Variants in HIVEP3 observed in about 807,000 individuals in gnomAD.
HIVEP3 encodes the protein HIVEP zinc finger 3.
In HIVEP3, 49 loss-of-function variants were observed where a neutral mutation model predicts 152.8. The ratio of observed to expected loss-of-function variants is 0.32; its 90% CI spans 0.26 to 0.41. The LOEUF (loss-of-function observed/expected upper bound fraction) is 0.41. Ranked by LOEUF, HIVEP3 falls within the 10% of genes least tolerant of loss-of-function variation. HIVEP3 has a pLI of 1.00. For missense variants in HIVEP3, 2,790 were observed against 3,103.3 expected, an observed-to-expected ratio of 0.90 and a Z score of 2.40; for synonymous variants, 1,269 against 1,289.0, an observed-to-expected ratio of 0.98 and a Z score of 0.33.
At chr1:41,725,277 C>T (rs189613713) in intron 1 of HIVEP3, among the ~76,000 whole-genome samples, 2 of 152,322 alleles carry the variant, frequency 1.3e-5, no homozygotes, top group African/African-American at 4.8e-5. Context: ...CTGGTTGCCA[C>T]TTATCAGCCG....
At chr1:41,943,035 G>A (rs1645055702) in intron 1 of HIVEP3, among the ~76,000 whole-genome samples, 1 of 152,102 alleles carries the variant, frequency 6.6e-6, no homozygotes, top group Non-Finnish European at 1.5e-5. Flanking sequence ...AAGTAGCTGG[G>A]ACTACAGGCG....
At chr1:41,606,399 C>T (rs75560437) in intron 3 of HIVEP3, among the ~76,000 whole-genome samples, 6,977 of 152,010 alleles carry the variant, frequency 0.046, 212 homozygotes, top group Non-Finnish European at 0.066. Flanking sequence ...TTTTGCATAA[C>T]AATTACATTC....
chr1:41,856,289 GA>G (rs1337562018), intron 1 of HIVEP3, among the ~76,000 whole-genome samples: 2 of 152,174 alleles, frequency 1.3e-5, no homozygotes, highest in Non-Finnish European at 2.9e-5. Flanking sequence ...ATGAATGAAG[GA>G]ATAGAAAAGA....
chr1:41,671,712 A>G (rs1645879769), intron 2 of HIVEP3, among the ~76,000 whole-genome samples: 1 of 152,128 alleles, frequency 6.6e-6, no homozygotes, highest in African/African-American at 2.4e-5. Flanking sequence ...CCCAGCGCAG[A>G]CCCCGAAGAA....
intron 1 of HIVEP3, among the ~76,000 whole-genome samples, chr1:41,976,557 A>G (rs1645260411): frequency 6.6e-6 from 1 of 152,238 alleles, no homozygotes; most frequent in African/African-American, 2.4e-5. Context: ...CTATCTTAAA[A>G]GTAAGCATGT....
chr1:41,916,331 C>G (rs1398013134), intron 1 of HIVEP3, among the ~76,000 whole-genome samples: 1 of 152,174 alleles, frequency 6.6e-6, no homozygotes, highest in African/African-American at 2.4e-5. Context: ...TCAAAGCAAA[C>G]CCACTGGGGT....
At chr1:41,528,138 C>T (rs1643068280) in intron 5 of HIVEP3, among the ~76,000 whole-genome samples, 1 of 140,790 alleles carries the variant, frequency 7.1e-6, no homozygotes, top group Non-Finnish European at 1.5e-5. Context: ...CCTTCATACT[C>T]CACACCCCTA....
At chr1:41,786,744 A>G (rs1479549764) in intron 1 of HIVEP3, among the ~76,000 whole-genome samples, 1 of 148,910 alleles carries the variant, frequency 6.7e-6, no homozygotes, top group African/African-American at 2.6e-5. Context: ...CTACACATGT[A>G]ATTTTCTTTC....
At chr1:41,597,834 AC>A (rs1249716198) in intron 3 of HIVEP3, among the ~76,000 whole-genome samples, 1 of 152,146 alleles carries the variant, frequency 6.6e-6, no homozygotes, top group African/African-American at 2.4e-5. Flanking sequence ...TTCCATTGAG[AC>A]CAAAAATGAA....
intron 1 of HIVEP3, among the ~76,000 whole-genome samples, chr1:41,932,651 G>C (rs1033806636): frequency 6.6e-6 from 1 of 151,586 alleles, no homozygotes; most frequent in Non-Finnish European, 1.5e-5. Flanking sequence ...TATCCAAATT[G>C]CTTTTTTGTT....
chr1:41,688,821 GTT>G (rs749429537), intron 2 of HIVEP3, among the ~76,000 whole-genome samples: 4 of 144,450 alleles, frequency 2.8e-5, no homozygotes, highest in Non-Finnish European at 4.6e-5. Context: ...AAACGGATCT[GTT>G]TTTTTTTTTT....
At chr1:41,643,442 G>T (rs1336723468) in intron 2 of HIVEP3, among the ~76,000 whole-genome samples, 1 of 152,250 alleles carries the variant, frequency 6.6e-6, no homozygotes, top group East Asian at 1.9e-4. Context: ...TCAGCCTGCT[G>T]TGAAAGCATG....
rs536029748 is a variant in HIVEP3, at chr1:41,677,247, G to A, written c.-721+23669C>T. ...GAAAAGGCAGGAGGAATGAAAATGA[G>A]CATGCACTGAGAGCCATGCACTGCT... On this transcript the variant is annotated intron_variant, in intron 2 of 8. Coordinates refer to ENST00000372583, the MANE Select transcript of HIVEP3 (RefSeq NM_024503.5). Among the ~76,000 whole-genome samples the A allele has an allele frequency of 2.0e-5, 3 of 152,342 alleles. No individual in the cohort carries two copies. The South Asian group carries it at 6.2e-4, about 32-fold the overall frequency.
chr1:41,698,192 C>A (rs578104338), intron 2 of HIVEP3, among the ~76,000 whole-genome samples: 1 of 152,160 alleles, frequency 6.6e-6, no homozygotes, highest in Admixed American at 6.5e-5. Context: ...ATGATGCCCA[C>A]CCTACTTTTG....
rs200871350 is a variant in HIVEP3, at chr1:41,557,816, C to T, written c.5207+17728G>A. Among the ~76,000 whole-genome samples, 7 of 152,198 alleles carry T rather than the reference C, an allele frequency of 4.6e-5. No homozygotes were observed. The East Asian group carries it at 7.7e-4, about 17-fold the overall frequency. On this transcript the variant is annotated intron_variant, in intron 5 of 8. Coordinates refer to ENST00000372583, the MANE Select transcript of HIVEP3 (RefSeq NM_024503.5). ...GACAAAGAGTAAGATCTTGTTTCAA[C>T]GGTGACCCCAGGGTTTGGCTTTGCC... is the stretch of plus-strand genomic sequence containing the variant.
intron 3 of HIVEP3, among the ~76,000 whole-genome samples, chr1:41,604,213 A>T (rs1644785541): frequency 6.6e-6 from 1 of 152,240 alleles, no homozygotes; most frequent in Non-Finnish European, 1.5e-5. Flanking sequence ...CCTCCAAAAA[A>T]CACAAAGAAG....
At chr1:41,780,096 G>T (rs190091396) in intron 1 of HIVEP3, among the ~76,000 whole-genome samples, 1 of 152,218 alleles carries the variant, frequency 6.6e-6, no homozygotes, top group South Asian at 2.1e-4. Flanking sequence ...TAGGGACGAG[G>T]TTGCAGATCA....
intron 1 of HIVEP3, among the ~76,000 whole-genome samples, chr1:41,968,234 C>T (rs1349922580): frequency 6.7e-6 from 1 of 150,002 alleles, no homozygotes; most frequent in African/African-American, 2.5e-5. Context: ...TACAACCTGG[C>T]AGAGATACAA....
intron 1 of HIVEP3, among the ~76,000 whole-genome samples, chr1:42,016,735 T>G (rs1481796749): frequency 2.0e-5 from 3 of 152,220 alleles, no homozygotes; most frequent in African/African-American, 7.2e-5. Flanking sequence ...CTTCATCCAC[T>G]GATACAGATC....
Sources: gnomAD v4.1 joint callset for allele counts (sites outside exome capture counted in the v4.1 genomes callset) on GRCh38, gnomAD v4.1.1 for gene constraint, MANE v1.5 for transcripts, NCBI Gene and HGNC (gene_info 2026-07-23, HGNC 2026-07-21) for gene names.